Variants in GALM observed in about 807,000 individuals in gnomAD.
The protein encoded by GALM is galactose mutarotase, also known as aldose 1-epimerase.
GALM carries 43 observed loss-of-function variants against 37.4 expected under a neutral mutation model. The ratio of observed to expected loss-of-function variants is 1.15; its 90% CI spans 0.90 to 1.48. GALM has a LOEUF of 1.48. Ranked by LOEUF, GALM falls within the 40% of genes most tolerant of loss-of-function variation. The pLI is 0.00. For missense variants in GALM, 456 were observed against 419.1 expected, an observed-to-expected ratio of 1.09 and a Z score of -0.77; for synonymous variants, 199 against 170.6, an observed-to-expected ratio of 1.17 and a Z score of -1.30.
intron 5 of GALM, among the ~76,000 whole-genome samples, chr2:38,730,139 C>T (rs1265290060): frequency 1.3e-5 from 2 of 152,254 alleles, no homozygotes; most frequent in African/African-American, 4.8e-5. Flanking sequence ...TGTGCACGCT[C>T]TCGCCTTCTC....
intron 4 of GALM, among the ~76,000 whole-genome samples, chr2:38,693,288 G>T (rs562264352): frequency 4.6e-5 from 7 of 152,222 alleles, no homozygotes; most frequent in Admixed American, 2.6e-4. Flanking sequence ...TTCGAGACCA[G>T]CCTGGCTAAC....
In GALM at chr2:38,719,836, G is replaced by T. The variant is rs1459978927; in HGVS notation, c.635-9720G>T. ...TCAGAGAACCTTTAGTGACCCCCGA[G>T]GCTGAGTTTGATGCTGCTCCCTGCT... is the stretch of plus-strand genomic sequence containing the variant. On this transcript the variant is annotated intron_variant, in intron 4 of 6. Coordinates refer to ENST00000272252, the MANE Select transcript of GALM (RefSeq NM_138801.3). Among the ~76,000 whole-genome samples, 4 of 149,090 alleles carry T rather than the reference G, an allele frequency of 2.7e-5. No individual in the cohort carries two copies. The South Asian group carries it at 7.1e-4, about 26-fold the overall frequency.
chr2:38,724,403 A>T (rs1299799533), intron 4 of GALM, among the ~76,000 whole-genome samples: 4 of 152,222 alleles, frequency 2.6e-5, no homozygotes, highest in Non-Finnish European at 5.9e-5. Context: ...CACAAGAAGA[A>T]ATTATGTTAG....
At chr2:38,666,714 G>T (rs183993009) in intron 1 of GALM, among the ~76,000 whole-genome samples, 18 of 152,194 alleles carry the variant, frequency 1.2e-4, no homozygotes, top group African/African-American at 4.3e-4. Flanking sequence ...CAGGCAAGAG[G>T]GGGTGTGGCT....
At chr2:38,721,697 G>C (rs996778404) in intron 4 of GALM, among the ~76,000 whole-genome samples, 1 of 151,906 alleles carries the variant, frequency 6.6e-6, no homozygotes, top group Non-Finnish European at 1.5e-5. Context: ...TTAATTTTTT[G>C]TAGAGACGGG....
chr2:38,692,645 C>CT (rs2148437535), intron 4 of GALM, among the ~76,000 whole-genome samples: 1 of 152,278 alleles, frequency 6.6e-6, no homozygotes, highest in African/African-American at 2.4e-5. Flanking sequence ...AGAAGTGCTG[C>CT]TGGGCTCTCT....
intron 5 of GALM, among the ~76,000 whole-genome samples, chr2:38,731,009 T>C (rs749943886): frequency 4.0e-5 from 6 of 151,776 alleles, no homozygotes; most frequent in African/African-American, 7.3e-5. Flanking sequence ...TCAGATCACC[T>C]GAGGTCAGTA....
intron 4 of GALM, among the ~76,000 whole-genome samples, chr2:38,709,660 ATGT>A (rs992020870): frequency 6.6e-6 from 1 of 152,134 alleles, no homozygotes; most frequent in African/African-American, 2.4e-5. Context: ...ACAAGCTTTG[ATGT>A]TGTGTGATCT....
chr2:38,718,533 G>A (rs916368182), intron 4 of GALM, among the ~76,000 whole-genome samples: 88 of 151,796 alleles, frequency 5.8e-4, no homozygotes, highest in African/African-American at 2.1e-3. Context: ...AAAAATTATT[G>A]GAGAAAATTT....
chr2:38,673,149 G>T (rs1355611827), intron 1 of GALM, among the ~76,000 whole-genome samples: 1 of 152,216 alleles, frequency 6.6e-6, no homozygotes, highest in Non-Finnish European at 1.5e-5. Flanking sequence ...TACCCAACCA[G>T]TTGGGTAATG....
At chr2:38,697,112 C>A (rs527630796) in intron 4 of GALM, among the ~76,000 whole-genome samples, 2 of 152,084 alleles carry the variant, frequency 1.3e-5, no homozygotes, top group East Asian at 3.9e-4. Context: ...TCAAATGCAC[C>A]TAGTGTCACA....
At chr2:38,689,111 C>T (rs566940315) in intron 3 of GALM, among the ~76,000 whole-genome samples, 82 of 152,298 alleles carry the variant, frequency 5.4e-4, no homozygotes, top group Admixed American at 9.2e-4. Flanking sequence ...TGAGCCACCG[C>T]GCCCGGCCTC....
intron 4 of GALM, among the ~76,000 whole-genome samples, chr2:38,717,669 G>A (rs1158660208): frequency 1.3e-5 from 2 of 151,720 alleles, no homozygotes; most frequent in Non-Finnish European, 2.9e-5. Flanking sequence ...CCAAAGTGCT[G>A]GAATTATAGG....
intron 4 of GALM, among the ~76,000 whole-genome samples, chr2:38,718,474 C>G (rs928209243): frequency 6.6e-6 from 1 of 151,916 alleles, no homozygotes; most frequent in Non-Finnish European, 1.5e-5. Context: ...GCTGGAATTA[C>G]AAGCGTGAGC....
At chr2:38,715,332 A>G (rs1666248862) in intron 4 of GALM, among the ~76,000 whole-genome samples, 1 of 152,240 alleles carries the variant, frequency 6.6e-6, no homozygotes, top group Admixed American at 6.5e-5. Context: ...TGTATATTTC[A>G]GTGCTTCAGT....
chr2:38,669,741 C>T (rs1008697256), intron 1 of GALM, among the ~76,000 whole-genome samples: 19 of 151,976 alleles, frequency 1.3e-4, no homozygotes, highest in African/African-American at 4.1e-4. Context: ...GGCATGGTGG[C>T]GCATGCCTGT....
At chr2:38,687,865 G>C (rs865994710) in intron 3 of GALM, among the ~76,000 whole-genome samples, 1 of 152,192 alleles carries the variant, frequency 6.6e-6, no homozygotes. Flanking sequence ...GTGTGGGCCA[G>C]TCTTTCAGAC....
At chr2:38,693,348 T>A (rs922074986) in intron 4 of GALM, among the ~76,000 whole-genome samples, 5 of 152,006 alleles carry the variant, frequency 3.3e-5, no homozygotes, top group Non-Finnish European at 5.9e-5. Flanking sequence ...CTGGGTGTGA[T>A]GGTAGGCGCC....
chr2:38,690,514 G>T (rs1303462526), intron 4 of GALM, among the ~76,000 whole-genome samples: 1 of 152,002 alleles, frequency 6.6e-6, no homozygotes, highest in African/African-American at 2.4e-5. Context: ...TCAGCTCACT[G>T]CTGCCTAGAC....
Sources: allele counts gnomAD v4.1 joint callset (sites outside exome capture counted in the v4.1 genomes callset), GRCh38; gene constraint gnomAD v4.1.1; transcripts MANE v1.5; gene names NCBI Gene and HGNC (gene_info 2026-07-23, HGNC 2026-07-21).